The following ANK3 variants were observed in gnomAD, a reference collection of about 807,000 sequenced individuals.
The protein encoded by ANK3 is ankyrin-3.
A neutral mutation model predicts 370.9 loss-of-function variants in ANK3; 57 were observed. The ratio of observed to expected loss-of-function variants is 0.15; its 90% CI spans 0.12 to 0.19. The LOEUF is 0.19. Among genes scored for constraint, ANK3 ranks in the 10% least tolerant of loss-of-function variants. ANK3 has a pLI of 1.00. For missense variants in ANK3, 4,439 were observed against 5,302.1 expected (o/e 0.84, Z 5.06); for synonymous variants, 1,929 against 1,946.3 (o/e 0.99, Z 0.23).
At chr10:60,665,074 T>C (rs1459362732) in intron 1 of ANK3, among the ~76,000 whole-genome samples, 1 of 152,164 alleles carries the variant, frequency 6.6e-6, no homozygotes, top group Admixed American at 6.6e-5. Flanking sequence ...ATGACTCAGC[T>C]GCTTCCCAGC....
chr10:60,047,824 C>T lies in ANK3; in HGVS notation c.13066-5065G>A, dbSNP rs142587677. On this transcript the variant is annotated intron_variant, in intron 42 of 43. Coordinates refer to ENST00000280772, the MANE Select transcript of ANK3 (RefSeq NM_020987.5). ...TTGCTAAGCTAATAAGGTAAACTCA[C>T]GACTGGTTAGTAACATAAATTGCTT... Among the ~76,000 whole-genome samples the T allele has an allele frequency of 2.8e-3, 424 of 152,256 alleles. 2 individuals carry two copies. Among genetic ancestry groups the T allele is most frequent in the African/African-American group, 9.6e-3 (399 of 41,544 alleles).
rs758707264 is a variant in ANK3, at chr10:60,105,915, G to A, written c.3318C>T (p.Gly1106=). Residue 1106 remains glycine (G), a synonymous_variant, in exon 28 of 44, where the codon GGC becomes GGT. Coordinates refer to ENST00000280772, the MANE Select transcript of ANK3 (RefSeq NM_020987.5). ...KNEDLTELLN[G]MDEELDSPEE... is the part of the protein sequence containing the mutation. ...AGCCATCATTATTACCTTCATCCAT[G>A]CCATTAAGTAACTCGGTTAAATCTT... 2 of 1,609,048 alleles carry A rather than the reference G, an allele frequency of 1.2e-6. No homozygotes were observed. Among genetic ancestry groups the A allele is most frequent in the East Asian group, 2.2e-5 (1 of 44,502 alleles).
intron 1 of ANK3, among the ~76,000 whole-genome samples, chr10:60,328,653 G>A (rs531557285): frequency 1.7e-4 from 26 of 152,080 alleles, no homozygotes; most frequent in African/African-American, 4.8e-4. Flanking sequence ...ATTAATAGCC[G>A]GCCAACCAAA....
At chr10:60,352,565 G>A (rs185783764) in intron 1 of ANK3, among the ~76,000 whole-genome samples, 128 of 152,212 alleles carry the variant, frequency 8.4e-4, no homozygotes, top group African/African-American at 3.0e-3. Context: ...TATGGTGTTT[G>A]GCATACATTG....
chr10:60,718,569 T>A (rs1012448892), intron 1 of ANK3, among the ~76,000 whole-genome samples: 6 of 152,118 alleles, frequency 3.9e-5, no homozygotes, highest in Non-Finnish European at 7.4e-5. Context: ...TAAAAACATG[T>A]TTGTGCTACC....
chr10:60,192,768 C>T (rs2096512881), intron 16 of ANK3, among the ~76,000 whole-genome samples: 1 of 152,090 alleles, frequency 6.6e-6, no homozygotes. Flanking sequence ...GTGATGGTTT[C>T]ACTAAAAGCC....
chr10:60,413,017 T>G (rs1367767178), intron 2 of ANK3, among the ~76,000 whole-genome samples: 1 of 152,210 alleles, frequency 6.6e-6, no homozygotes, highest in Non-Finnish European at 1.5e-5. Context: ...TCATTAATAA[T>G]CCTTCCTTCT....
intron 25 of ANK3, among the ~76,000 whole-genome samples, chr10:60,121,684 C>T (rs1226677507): frequency 1.8e-5 from 1 of 55,128 alleles, no homozygotes; most frequent in Non-Finnish European, 3.6e-5. Context: ...GGGCCAGACC[C>T]TTTCTCAAAA....
intron 42 of ANK3, chr10:60,043,733 C>A (rs2076499277): frequency 2.0e-6 from 2 of 985,446 alleles, no homozygotes; most frequent in Non-Finnish European, 2.4e-6. Context: ...AGACACTCTG[C>A]TGAAGGCCAA....
At chr10:60,403,497 G>A (rs895872454) in intron 2 of ANK3, among the ~76,000 whole-genome samples, 4 of 152,138 alleles carry the variant, frequency 2.6e-5, no homozygotes, top group African/African-American at 7.2e-5. Flanking sequence ...GCTTATCCCC[G>A]AATACAAGCT....
At chr10:60,646,636 C>T (rs751233353) in intron 1 of ANK3, among the ~76,000 whole-genome samples, 27 of 152,214 alleles carry the variant, frequency 1.8e-4, no homozygotes, top group Non-Finnish European at 3.2e-4. Context: ...AGAGAAGTCA[C>T]TGGTTTGATT....
intron 2 of ANK3, among the ~76,000 whole-genome samples, chr10:60,502,082 T>C (rs1251165044): frequency 6.6e-6 from 1 of 151,882 alleles, no homozygotes; most frequent in African/African-American, 2.4e-5. Context: ...TTAAGCAAAA[T>C]AATGGAAAAT....
chr10:60,335,185 C>T (rs1336947636), intron 1 of ANK3, among the ~76,000 whole-genome samples: 1 of 152,024 alleles, frequency 6.6e-6, no homozygotes, highest in Admixed American at 6.6e-5. Context: ...AGTAGAGACT[C>T]CTGGATGCTC....
Position 60,395,630 on chromosome 10 carries a change from C to T in ANK3, c.97-115991G>A, listed in dbSNP as rs1441168539. Among the ~76,000 whole-genome samples the T allele has an allele frequency of 5.1e-3, 632 of 123,116 alleles. 2 individuals are homozygous for T. The highest frequency in any genetic ancestry group is 0.01 in the African/African-American group (326 of 32,584). The allele number at this position is 123,116 out of a possible 152,430, so 80.8% of individuals were successfully genotyped here. On this transcript the variant is annotated intron_variant, in intron 2 of 43. Transcript: ENST00000373827. ...TTTCTCTCTTTCGTTCTCTCTCTCT[C>T]TCTCTCTCTCTCTCTCTCTCTTTCT...
chr10:60,360,015 T>C (rs577192691), intron 1 of ANK3, among the ~76,000 whole-genome samples: 11 of 152,354 alleles, frequency 7.2e-5, no homozygotes, highest in South Asian at 2.1e-4. Context: ...TGAACTAGTA[T>C]AATAAAATAG....
chr10:60,316,670 A>G lies in ANK3; in HGVS notation c.115-37031T>C, dbSNP rs186940551. On this transcript the variant is annotated intron_variant, in intron 1 of 43. Transcript: ENST00000280772. ...TGGTTTTATAATTGTCCTTTTAGAG[A>G]CACTGCAACCCTGTCTCGCATATGC... Among the ~76,000 whole-genome samples the G allele has an allele frequency of 1.4e-4, 21 of 152,348 alleles. No homozygotes were observed. In the East Asian group the frequency reaches 4.0e-3, roughly 29 times the overall value.
chr10:60,199,114 C>T (rs1261879986), intron 13 of ANK3, among the ~76,000 whole-genome samples: 1 of 152,164 alleles, frequency 6.6e-6, no homozygotes, highest in Non-Finnish European at 1.5e-5. Context: ...GGAGAGCCAC[C>T]TCACTACAAT....
chr10:60,334,425 A>T (rs931276931), intron 1 of ANK3, among the ~76,000 whole-genome samples: 1 of 152,130 alleles, frequency 6.6e-6, no homozygotes, highest in Admixed American at 6.5e-5. Flanking sequence ...TTGCACTCTT[A>T]GCAAGCCAGC....
intron 42 of ANK3, among the ~76,000 whole-genome samples, chr10:60,049,057 C>G (rs1459325865): frequency 6.6e-6 from 1 of 152,180 alleles, no homozygotes; most frequent in Non-Finnish European, 1.5e-5. Flanking sequence ...AAGTGTGACT[C>G]TTTGCAATTG....
Sources: allele counts gnomAD v4.1 joint callset (sites outside exome capture counted in the v4.1 genomes callset), GRCh38; gene constraint gnomAD v4.1.1; transcripts MANE v1.5; gene names NCBI Gene and HGNC (gene_info 2026-07-23, HGNC 2026-07-21).